The following CELSR1 variants were observed in gnomAD, a reference collection of about 807,000 sequenced individuals.
The protein encoded by CELSR1 is cadherin EGF LAG seven-pass G-type receptor 1, also known as adhesion G protein-coupled receptor C1.
CELSR1 carries 110 observed loss-of-function variants against 249.1 expected under a neutral mutation model. That is an observed-to-expected ratio of 0.44 (90% CI 0.38 to 0.52). The LOEUF is 0.52. CELSR1 is among the 20% of genes least tolerant of loss of function. CELSR1 has a pLI of 0.00. For missense variants in CELSR1, 4,109 were observed against 4,296.4 expected (o/e 0.96, Z 1.22); for synonymous variants, 2,113 against 1,900.0 (o/e 1.11, Z -2.92).
At chr22:46,439,625 C>A (rs1360178200) in intron 2 of CELSR1, among the ~76,000 whole-genome samples, 1 of 152,120 alleles carries the variant, frequency 6.6e-6, no homozygotes, top group Admixed American at 6.5e-5. Context: ...GCACCCAGCT[C>A]CTGGTGGGCA....
chr22:46,388,410 T>C (rs1406206486), intron 18 of CELSR1, among the ~76,000 whole-genome samples: 1 of 151,748 alleles, frequency 6.6e-6, no homozygotes, highest in African/African-American at 2.4e-5. Context: ...GAGTCACGCA[T>C]GGAGAACAAA....
rs534327581 is a variant in CELSR1 at position 46,399,757 on chromosome 22, T to G, written c.5372A>C (p.Lys1791Thr). 6.2e-7 allele frequency: 1 copy of G among 1,614,068 alleles called. No homozygotes were observed. The highest frequency in any genetic ancestry group is 1.1e-5 in the South Asian group (1 of 91,068). The change falls in exon 10 of 35, where the codon AAG becomes ACG. Residue 1791 changes from lysine to threonine, a missense_variant. Transcript: ENST00000674500. This position sits in a 1 kb window ranked among gnomAD's most constrained non-coding sequence, Gnocchi z 5.0. ...LKNVKEDSEM[K>T]HLVTMTLDYG... ...GTCCAAGGTCATGGTGACCAGGTGC[T>G]TCATCTCACTGTCCTCCTTAACATT...
At chr22:46,524,477 G>A (rs552219644) in intron 1 of CELSR1, among the ~76,000 whole-genome samples, 2 of 152,232 alleles carry the variant, frequency 1.3e-5, no homozygotes, top group East Asian at 1.9e-4. Context: ...TGTGTCGGGC[G>A]GCTGGAAGGA....
rs1425508929 is a variant in CELSR1, at chr22:46,411,883, G to A, written c.4612-124C>T. 7 of 1,251,264 alleles carry A rather than the reference G, an allele frequency of 5.6e-6. No homozygotes were observed. The highest frequency in any genetic ancestry group is 7.9e-6 in the Non-Finnish European group (7 of 883,670). 77.5% of individuals were successfully genotyped at this position (1,251,264 alleles called of 1,614,324 possible). A position where few individuals can be genotyped will look rare whatever the true frequency, so the allele number is the denominator to read the frequency against. ...GGTGGGCGGCACGTAGACAAGGGAT[G>A]AGGAGCCCCCGGCCTTTAGTTCCCC... is the stretch of plus-strand genomic sequence containing the variant. On this transcript the variant is annotated intron_variant, in intron 5 of 34. Coordinates refer to ENST00000674500, the MANE Select transcript of CELSR1 (RefSeq NM_001378328.1). The surrounding 1 kb of genome is among the most constrained non-coding windows in gnomAD (Gnocchi z 4.2).
chr22:46,450,945 C>T (rs1232047916), intron 2 of CELSR1, among the ~76,000 whole-genome samples: 1 of 152,234 alleles, frequency 6.6e-6, no homozygotes, highest in Non-Finnish European at 1.5e-5. Context: ...GTGAGCTACG[C>T]ACCTGCGCAA....
chr22:46,409,212 C>T lies in CELSR1; in HGVS notation c.5060-50G>A, dbSNP rs922274271. Reference sequence around the variant, plus strand: ...CAGGTGTCTCCCGAAATCACACGGCCGCGGACTTGGCTGCAGGGGCGGGGG... The same window carrying T: ...CAGGTGTCTCCCGAAATCACACGGCTGCGGACTTGGCTGCAGGGGCGGGGG... On this transcript the variant is annotated intron_variant, in intron 8 of 34. Coordinates refer to ENST00000674500, the MANE Select transcript of CELSR1 (RefSeq NM_001378328.1). This position sits in a 1 kb window ranked among gnomAD's most constrained non-coding sequence, Gnocchi z 9.8. The T allele has an allele frequency of 2.3e-5, 36 of 1,594,490 alleles. No homozygotes were observed. The highest frequency in any genetic ancestry group is 3.0e-5 in the Non-Finnish European group (35 of 1,171,518).
rs776567447 is a variant in CELSR1, at chr22:46,365,262, C to G, written c.8523G>C (p.Pro2841=). 2.5e-6 allele frequency: 4 copies of G among 1,612,548 alleles called. No individual in the cohort carries two copies. Among genetic ancestry groups the G allele is most frequent in the Non-Finnish European group, 3.4e-6 (4 of 1,179,912 alleles). Residue 2841 remains proline (P), a synonymous_variant, in exon 32 of 35, where the codon CCG becomes CCC. Coordinates refer to ENST00000674500, the MANE Select transcript of CELSR1 (RefSeq NM_001378328.1). The part of the protein sequence containing the change: ...DGVGAEEKWD[P]ARGAVHSTPK... Reference sequence around the variant, plus strand: ...GGGTGCTGTGGACGGCGCCCCTGGCCGGGTCCCATTTTTCCTCAGCTCCCA... The same window carrying G: ...GGGTGCTGTGGACGGCGCCCCTGGCGGGGTCCCATTTTTCCTCAGCTCCCA...
Position 46,463,694 on chromosome 22 carries a change from C to T in CELSR1, c.4183+13G>A, listed in dbSNP as rs563315552. On this transcript the variant is annotated intron_variant, in intron 2 of 34. Coordinates refer to ENST00000674500, the MANE Select transcript of CELSR1 (RefSeq NM_001378328.1). ...GACATGTACACAAAGCCAGGGTGAG[C>T]CCGGGCACCTACCAGTGAAGTCCTC... The T allele has an allele frequency of 2.2e-4, 336 of 1,509,082 alleles. 2 individuals are homozygous for T. The South Asian group carries it at 3.6e-3, about 16-fold the overall frequency. The allele number at this position is 1,509,082 out of a possible 1,614,324, so 93.5% of individuals were successfully genotyped here.
intron 24 of CELSR1, among the ~76,000 whole-genome samples, chr22:46,376,323 T>A (rs1185641649): frequency 6.6e-6 from 1 of 152,244 alleles, no homozygotes; most frequent in Non-Finnish European, 1.5e-5. Flanking sequence ...GTTTTTATAC[T>A]GCAATGCAAA....
In CELSR1 at chr22:46,506,157, C is replaced by T. The variant is rs186439233; in HGVS notation, c.3544+27470G>A. ...TCACACCATTGCAGTCCAGCCTGGG[C>T]GACAGAGACTGTCTCCAAAAAAAAA... On this transcript the variant is annotated intron_variant, in intron 1 of 34. Transcript: ENST00000674500. This position sits in a 1 kb window ranked among gnomAD's most constrained non-coding sequence, Gnocchi z 4.1. Among the ~76,000 whole-genome samples the T allele has an allele frequency of 2.6e-3, 360 of 138,574 alleles. 2 individuals carry two copies. Among genetic ancestry groups the T allele is most frequent in the African/African-American group, 0.01 (349 of 34,362 alleles). The allele number at this position is 138,574 out of a possible 152,430, so 90.9% of individuals were successfully genotyped here.
chr22:46,534,158 C>A lies in CELSR1; in HGVS notation c.3013G>T (p.Glu1005Ter). 6.2e-7 allele frequency: 1 copy of A among 1,613,910 alleles called. No individual in the cohort carries two copies. The highest frequency in any genetic ancestry group is 8.5e-7 in the Non-Finnish European group (1 of 1,180,046). ...NAPMFEKDEL[E>*]LFVEENNPVG... is the part of the protein sequence containing the mutation. ...GGGTTGTTCTCCTCAACAAACAGCT[C>A]CAGTTCGTCCTTCTCAAACATGGGG... The change falls in exon 1 of 35, where the codon GAG becomes TAG. Residue 1005 changes from glutamate to a stop codon, truncating the protein, a stop_gained. Transcript: ENST00000674500. LOFTEE classifies it high-confidence loss of function. The surrounding 1 kb of genome is among the most constrained non-coding windows in gnomAD (Gnocchi z 9.7).
chr22:46,376,954 G>T, intron 24 of CELSR1, 107 bp downstream of exon 24: 1 of 1,084,770 alleles, frequency 9.2e-7, no homozygotes, highest in Non-Finnish European at 1.4e-6. Flanking sequence ...AGAGGTGGGG[G>T]TGGTGAGGAG....
rs750157657 is a variant in CELSR1 at position 46,391,191 on chromosome 22, G to A, written c.6245C>T (p.Ser2082Phe). Residue 2082 changes from serine (S) to phenylalanine (F), a missense_variant, in exon 16 of 35, where the codon TCC (serine) becomes TTC (phenylalanine). Physicochemically the swap from Ser to Phe is radical, Grantham distance 155. Coordinates refer to ENST00000674500, the MANE Select transcript of CELSR1 (RefSeq NM_001378328.1). This position sits in a 1 kb window ranked among gnomAD's most constrained non-coding sequence, Gnocchi z 4.3. ...CACAGGCCACGGCGACTCACCAACG[G>A]ATCCCTTAGGGCATGGCACCGCAGC... The part of the protein sequence containing the change: ...QPAAVPCPKG[S>F]VGNAVRHCSG... The A allele has an allele frequency of 6.2e-6, 10 of 1,612,222 alleles. No homozygotes were observed. The highest frequency in any genetic ancestry group is 1.1e-5 in the South Asian group (1 of 91,038).
chr22:46,366,578 C>T, intron 29 of CELSR1, 98 bp from the exon 30 acceptor site: 1 of 996,382 alleles, frequency 1.0e-6, no homozygotes, highest in Non-Finnish European at 1.5e-6. Context: ...CCCACACCCA[C>T]ACCCTGGCTG....
chr22:46,378,824 C>G, intron 22 of CELSR1, 107 bp from the exon 23 acceptor site: 2 of 1,406,626 alleles, frequency 1.4e-6, no homozygotes, highest in Non-Finnish European at 1.9e-6. Context: ...CCATCCTGGC[C>G]AAACCAAACA....
At chr22:46,455,694 C>A (rs941471630) in intron 2 of CELSR1, among the ~76,000 whole-genome samples, 6 of 152,206 alleles carry the variant, frequency 3.9e-5, no homozygotes, top group Admixed American at 6.5e-5. Flanking sequence ...AGGAGGACTG[C>A]AGGGTGTGAG....
At chr22:46,425,739 G>A (rs2079530014) in intron 5 of CELSR1, among the ~76,000 whole-genome samples, 1 of 151,900 alleles carries the variant, frequency 6.6e-6, no homozygotes, top group Non-Finnish European at 1.5e-5. Flanking sequence ...TTGTTTCATT[G>A]ATTTTCTCTA....
Position 46,446,997 on chromosome 22 carries a change from T to TA in CELSR1, c.4184-7587dup, listed in dbSNP as rs2079828415. Among the ~76,000 whole-genome samples the TA allele has an allele frequency of 6.6e-6, 1 of 151,906 alleles. No homozygotes were observed. The highest frequency in any genetic ancestry group is 2.4e-5 in the African/African-American group (1 of 41,346). On this transcript the variant is annotated intron_variant, in intron 2 of 34. Transcript: ENST00000674500. This position sits in a 1 kb window ranked among gnomAD's most constrained non-coding sequence, Gnocchi z 5.5. ...TTGCAGCACAGCCCTGCACAGAAGATAAAGTTAAGCAAAGCGGGAGTGGAT... is the reference window on the plus strand; with the variant it reads ...TTGCAGCACAGCCCTGCACAGAAGATAAAAGTTAAGCAAAGCGGGAGTGGAT...
At chr22:46,450,290 C>A (rs577066594) in intron 2 of CELSR1, among the ~76,000 whole-genome samples, 1 of 152,238 alleles carries the variant, frequency 6.6e-6, no homozygotes, top group Non-Finnish European at 1.5e-5. Flanking sequence ...TGGGGGAGGA[C>A]GTGCTACCAA....
Sources: gnomAD v4.1 joint callset for allele counts (sites outside exome capture counted in the v4.1 genomes callset) on GRCh38, gnomAD v4.1.1 for gene constraint, Gnocchi (gnomAD v3.1) non-coding constraint, MANE v1.5 for transcripts, NCBI Gene and HGNC (gene_info 2026-07-23, HGNC 2026-07-21) for gene names.